Variants in PCGF2 observed in about 807,000 individuals in gnomAD.
PCGF2 encodes the protein polycomb group ring finger 2, also known as polycomb group RING finger protein 2.
Under a neutral mutation model 36.1 loss-of-function variants are expected in PCGF2, and 8 were observed. The observed-to-expected ratio is 0.22, with a 90% CI of 0.13 to 0.40. The LOEUF is 0.40. Ranked by LOEUF, PCGF2 falls within the 10% of genes least tolerant of loss-of-function variation. The probability of loss-of-function intolerance (pLI) is 1.00; values close to 1 mark genes in which losing one functional copy is unlikely to be tolerated. For missense variants in PCGF2, 436 were observed against 475.9 expected (o/e 0.92, Z 0.78); for synonymous variants, 198 against 191.2 (o/e 1.04, Z -0.29).
chr17:38,735,686 C>T lies in PCGF2; in HGVS notation c.658-86G>A, dbSNP rs1036760577. 9 of 1,444,222 alleles carry T rather than the reference C, an allele frequency of 6.2e-6. No homozygotes were observed. The African/African-American group carries it at 8.5e-5, about 14-fold the overall frequency. 89.5% of individuals were successfully genotyped at this position (1,444,222 alleles called of 1,614,324 possible). A position where few individuals can be genotyped will look rare whatever the true frequency, so the allele number is the denominator to read the frequency against. On this transcript the variant is annotated intron_variant, in intron 10 of 10. Transcript: ENST00000620225. ...AACTAAAGGGCCACCATCTCCACCCCACAGTGTCCAAACTCGAAAAAAGGG... is the reference window on the plus strand; with the variant it reads ...AACTAAAGGGCCACCATCTCCACCCTACAGTGTCCAAACTCGAAAAAAGGG...
At chr17:38,736,052 G>A in intron 10 of PCGF2, 38 bp downstream of exon 10, 2 of 1,382,028 alleles carry the variant, frequency 1.4e-6, no homozygotes, top group Non-Finnish European at 2.0e-6. Flanking sequence ...CAGACCCTGT[G>A]GGAGTCTGCT....
chr17:38,740,828 C>A lies in PCGF2; in HGVS notation c.-40-386G>T, dbSNP rs535542718. On this transcript the variant is annotated intron_variant, in intron 2 of 10. Coordinates refer to ENST00000620225, the MANE Select transcript of PCGF2 (RefSeq NM_007144.3). ...TTACGCTTCACTCCACACCTCCCCC[C>A]ACCAGCACATCTCTCCCTGAGCCCA... Among the ~76,000 whole-genome samples the A allele has an allele frequency of 2.6e-5, 4 of 152,208 alleles. No individual in the cohort carries two copies. In the South Asian group the frequency reaches 6.2e-4, roughly 24 times the overall value.
At chr17:38,742,122 C>T (rs1309918919) in intron 2 of PCGF2, among the ~76,000 whole-genome samples, 3 of 152,180 alleles carry the variant, frequency 2.0e-5, no homozygotes, top group East Asian at 1.9e-4. Context: ...GTGAAAAGTC[C>T]GGCTCTGGAT....
In PCGF2 at chr17:38,747,909, C is replaced by T. The variant is rs1305245482; in HGVS notation, c.-71G>A. On this transcript the variant is annotated 5_prime_UTR_variant, in exon 2 of 11. Transcript: ENST00000620225. ...AACAGGGTCTGCCCGGGGGCTGCTG[C>T]ACAAAGAGGTGGTGGTCGAGGGAGA... The T allele has an allele frequency of 1.3e-5, 2 of 152,758 alleles. No individual in the cohort carries two copies. Among genetic ancestry groups the T allele is most frequent in the East Asian group, 1.9e-4 (1 of 5,166 alleles). 9.5% of individuals were successfully genotyped at this position (152,758 alleles called of 1,614,324 possible).
Position 38,738,765 on chromosome 17 carries a change from T to C in PCGF2, c.413A>G (p.Tyr138Cys). 1 of 1,613,534 alleles carries C rather than the reference T, an allele frequency of 6.2e-7. No individual in the cohort carries two copies. Among genetic ancestry groups the C allele is most frequent in the Non-Finnish European group, 8.5e-7 (1 of 1,179,472 alleles). Reference protein sequence around the residue: ...DEIVSLSIEFYEGARDRDEKK... With the variant: ...DEIVSLSIEFCEGARDRDEKK... ...GGGCCAGACTTGCCTGGCACCTTCGTAGAATTCGATGGAGAGGCTGACAAT... is the reference window on the plus strand; with the variant it reads ...GGGCCAGACTTGCCTGGCACCTTCGCAGAATTCGATGGAGAGGCTGACAAT... The change falls in exon 7 of 11, where the codon TAC (tyrosine) becomes TGC (cysteine). Residue 138 changes from tyrosine to cysteine, a missense_variant. This residue lies in a region of PCGF2 where 189 missense variants were observed against 219.3 expected (regional missense o/e 0.86). Coordinates refer to ENST00000620225, the MANE Select transcript of PCGF2 (RefSeq NM_007144.3).
intron 9 of PCGF2, among the ~76,000 whole-genome samples, chr17:38,736,798 A>C (rs963282546): frequency 9.2e-5 from 14 of 151,816 alleles, no homozygotes; most frequent in Non-Finnish European, 2.1e-4. Context: ...AGTGCCCCTG[A>C]ACTCCAGCCT....
In PCGF2 at chr17:38,735,235, G is replaced by A. The variant is rs371320094; in HGVS notation, c.1023C>T (p.Pro341=). The change falls in exon 11 of 11, where the codon CCC becomes CCT. Residue 341 remains proline, a synonymous_variant. Transcript: ENST00000620225. ...RKMTVNGAPV[P]PLT ...AGGGTCCCTGGCCTCAAGTTAAGGGGGGCACGGGAGCGCCGTTGACAGTCA... is the reference window on the plus strand; with the variant it reads ...AGGGTCCCTGGCCTCAAGTTAAGGGAGGCACGGGAGCGCCGTTGACAGTCA... The A allele has an allele frequency of 1.1e-5, 16 of 1,440,614 alleles. No individual in the cohort carries two copies. Among genetic ancestry groups the A allele is most frequent in the South Asian group, 8.9e-5 (6 of 67,784 alleles). 89.2% of individuals were successfully genotyped at this position (1,440,614 alleles called of 1,614,324 possible).
At position 38,735,566 on chromosome 17, in the gene PCGF2, G is replaced by A. The variant is rs2143055378; in HGVS notation, c.692C>T (p.Pro231Leu). The A allele has an allele frequency of 1.3e-6, 2 of 1,584,144 alleles. No individual in the cohort carries two copies. Among genetic ancestry groups the A allele is most frequent in the South Asian group, 1.1e-5 (1 of 87,030 alleles). Reference sequence around the variant, plus strand: ...GGCTAGGGTGAGCCGCTTGCAGGCTGGCTGGACACGGTACTTGAGGGGGAG... The same window carrying A: ...GGCTAGGGTGAGCCGCTTGCAGGCTAGCTGGACACGGTACTTGAGGGGGAG... ...GPLPLKYRVQPACKRLTLATV... is the reference protein window; with the variant it reads ...GPLPLKYRVQLACKRLTLATV... Residue 231 changes from proline to leucine, a missense_variant, in exon 11 of 11, where the codon CCA becomes CTA. Physicochemically the swap from Pro to Leu is moderately conservative, Grantham distance 98. Transcript: ENST00000620225.
At position 38,739,014 on chromosome 17, in the gene PCGF2, C is replaced by G; in HGVS notation, c.316+54G>C. 1 of 1,603,494 alleles carries G rather than the reference C, an allele frequency of 6.2e-7. No individual in the cohort carries two copies. Among genetic ancestry groups the G allele is most frequent in the Non-Finnish European group, 8.5e-7 (1 of 1,172,144 alleles). On this transcript the variant is annotated intron_variant, in intron 6 of 10. Coordinates refer to ENST00000620225, the MANE Select transcript of PCGF2 (RefSeq NM_007144.3). The surrounding 1 kb of genome is among the most constrained non-coding windows in gnomAD (Gnocchi z 4.0). ...GAGGGTGAGGGGTAGCGCTACACAC[C>G]TACATGGTCCCAGGCAAGACTGTGC...
At chr17:38,738,709 C>T in intron 7 of PCGF2, 44 bp downstream of exon 7, 1 of 1,584,388 alleles carries the variant, frequency 6.3e-7, no homozygotes, top group Non-Finnish European at 8.7e-7. Flanking sequence ...GAAGGGGTTA[C>T]CCAGACTAGG....
chr17:38,738,983 A>T (rs1390762687), intron 6 of PCGF2, 85 bp downstream of exon 6: 6 of 1,547,436 alleles, frequency 3.9e-6, no homozygotes, highest in Non-Finnish European at 5.4e-6. Context: ...TGCGCGGAGG[A>T]GGTCAGAGGG....
At chr17:38,747,424 G>T (rs549912917) in intron 2 of PCGF2, among the ~76,000 whole-genome samples, 2 of 152,200 alleles carry the variant, frequency 1.3e-5, no homozygotes, top group Non-Finnish European at 2.9e-5. Context: ...CCCAGCGCCC[G>T]GGCTTCCCCA....
In PCGF2 at chr17:38,735,356, G is replaced by A; in HGVS notation, c.902C>T (p.Thr301Ile). 1 of 1,560,460 alleles carries A rather than the reference G, an allele frequency of 6.4e-7. No individual in the cohort carries two copies. The highest frequency in any genetic ancestry group is 1.2e-5 in the South Asian group (1 of 84,764). ...GPPATHPTSP[T>I]PPSTASGATT... is the part of the protein sequence containing the mutation. Reference sequence around the variant, plus strand: ...GGCCCCACTGGCTGTCGAAGGGGGAGTGGGGGAGGTAGGGTGGGTGGCTGG... The same window carrying A: ...GGCCCCACTGGCTGTCGAAGGGGGAATGGGGGAGGTAGGGTGGGTGGCTGG... The change falls in exon 11 of 11, where the codon ACT (threonine) becomes ATT (isoleucine). Residue 301 changes from threonine (T) to isoleucine (I), a missense_variant. Transcript: ENST00000620225.
chr17:38,743,417 C>A (rs1338844339), intron 2 of PCGF2, among the ~76,000 whole-genome samples: 1 of 152,022 alleles, frequency 6.6e-6, no homozygotes, highest in Admixed American at 6.5e-5. Flanking sequence ...AAGAACCCCA[C>A]AGCCGAGAGC....
chr17:38,749,433 C>T (rs577474481), upstream of PCGF2: 4 of 330,680 alleles, frequency 1.2e-5, no homozygotes, highest in South Asian at 4.5e-5. The surrounding 1 kb of genome is among the most constrained non-coding windows in gnomAD (Gnocchi z 6.5). Context: ...TTGGAAACGC[C>T]GGGAGTAGCG....
Position 38,734,875 on chromosome 17 carries a change from A to G in PCGF2, c.*348T>C, listed in dbSNP as rs1229399908. The G allele has an allele frequency of 1.1e-5, 2 of 183,918 alleles. No individual in the cohort carries two copies. Among genetic ancestry groups the G allele is most frequent in the Non-Finnish European group, 2.2e-5 (2 of 89,664 alleles). 11.4% of individuals were successfully genotyped at this position (183,918 alleles called of 1,614,324 possible). A position where few individuals can be genotyped will look rare whatever the true frequency, so the allele number is the denominator to read the frequency against. On this transcript the variant is annotated 3_prime_UTR_variant, in exon 11 of 11. Coordinates refer to ENST00000620225, the MANE Select transcript of PCGF2 (RefSeq NM_007144.3). Reference sequence around the variant, plus strand: ...TTGGGAAACAGCGAGGATGGTGCAGAGCTTTATTGAGACTCCAGTGGCCCA... The same window carrying G: ...TTGGGAAACAGCGAGGATGGTGCAGGGCTTTATTGAGACTCCAGTGGCCCA...
At chr17:38,747,469 C>T (rs1321246080) in intron 2 of PCGF2, among the ~76,000 whole-genome samples, 3 of 152,234 alleles carry the variant, frequency 2.0e-5, no homozygotes, top group Non-Finnish European at 4.4e-5. Context: ...ACCCCAGTTA[C>T]CGGGTGGCCG....
chr17:38,740,799 C>T (rs1473510381), intron 2 of PCGF2, among the ~76,000 whole-genome samples: 2 of 151,898 alleles, frequency 1.3e-5, no homozygotes, highest in African/African-American at 2.4e-5. Context: ...CTCGGCAGCC[C>T]CTCTTACGCT....
intron 9 of PCGF2, among the ~76,000 whole-genome samples, chr17:38,737,626 A>C (rs1157016319): frequency 6.6e-6 from 1 of 151,894 alleles, no homozygotes; most frequent in East Asian, 2.0e-4. Flanking sequence ...AGAAATATGG[A>C]ATCTGGCCGG....
Sources: allele counts gnomAD v4.1 joint callset (sites outside exome capture counted in the v4.1 genomes callset), GRCh38; gene constraint gnomAD v4.1.1; regional missense constraint gnomAD v4.1.1; non-coding constraint Gnocchi (gnomAD v3.1); transcripts MANE v1.5; gene names NCBI Gene and HGNC (gene_info 2026-07-23, HGNC 2026-07-21).